The following DPYSL2 variants were observed in gnomAD, a reference collection of about 807,000 sequenced individuals.
DPYSL2 encodes dihydropyrimidinase like 2.
In DPYSL2, 13 loss-of-function variants were observed where a neutral mutation model predicts 69.9. The ratio of observed to expected loss-of-function variants is 0.19; its 90% CI spans 0.12 to 0.30. The LOEUF is 0.30. Among genes scored for constraint, DPYSL2 ranks in the 10% least tolerant of loss-of-function variants. The pLI, the probability that DPYSL2 is intolerant of heterozygous loss-of-function variation, is 1.00. For synonymous variants in DPYSL2, 326 were observed against 359.1 expected (o/e 0.91, Z 1.04); for missense variants, 587 against 918.9 (o/e 0.64, Z 4.67).
chr8:26,621,919 A>AG lies in DPYSL2; in HGVS notation c.629-2220dup, dbSNP rs1248040156. ...TAGACAGCTACTAAAGGATTTAATA[A>AG]GGGGAATGGCAGTGTTTGATGAAAG... is the stretch of plus-strand genomic sequence containing the variant. On this transcript the variant is annotated intron_variant, in intron 3 of 13. Transcript: ENST00000521913. This position sits in a 1 kb window ranked among gnomAD's most constrained non-coding sequence, Gnocchi z 4.9. Among the ~76,000 whole-genome samples the AG allele has an allele frequency of 6.6e-6, 1 of 152,194 alleles. No individual in the cohort carries two copies. Among genetic ancestry groups the AG allele is most frequent in the Non-Finnish European group, 1.5e-5 (1 of 68,032 alleles).
intron 1 of DPYSL2, among the ~76,000 whole-genome samples, chr8:26,536,249 G>A (rs1800591031): frequency 6.6e-6 from 1 of 151,250 alleles, no homozygotes; most frequent in Admixed American, 6.6e-5. Flanking sequence ...CTTAATTTTT[G>A]TATTTTTGGT....
At chr8:26,594,709 A>G (rs1190844486) in intron 3 of DPYSL2, among the ~76,000 whole-genome samples, 2 of 152,188 alleles carry the variant, frequency 1.3e-5, no homozygotes, top group Non-Finnish European at 2.9e-5. Context: ...TTGACCATTC[A>G]TCTGTTCATC....
intron 1 of DPYSL2, among the ~76,000 whole-genome samples, chr8:26,529,329 C>G (rs568009589): frequency 4.2e-4 from 63 of 151,706 alleles, no homozygotes; most frequent in Non-Finnish European, 8.2e-4. Context: ...TATCATCTAT[C>G]TATCTATATA....
At chr8:26,629,287 G>A (rs2584183) in intron 7 of DPYSL2, among the ~76,000 whole-genome samples, 146,463 of 152,104 alleles carry the variant, frequency 0.96, 70,630 homozygotes, top group Non-Finnish European at 0.99. Flanking sequence ...CACACAGACA[G>A]CTAGACACAG....
chr8:26,547,412 T>A (rs1369318519), intron 1 of DPYSL2, among the ~76,000 whole-genome samples: 1 of 151,162 alleles, frequency 6.6e-6, no homozygotes, highest in Non-Finnish European at 1.5e-5. Flanking sequence ...AGCAGCAAGA[T>A]GCAGATTCCT....
chr8:26,648,145 G>T lies in DPYSL2; in HGVS notation c.1596+345G>T, dbSNP rs1167739907. ...AGCACTTCTCATGGCAGTACTTGGTGCAAGGGACCTCAATGAAGCAGTGAG... is the reference window on the plus strand; with the variant it reads ...AGCACTTCTCATGGCAGTACTTGGTTCAAGGGACCTCAATGAAGCAGTGAG... On this transcript the variant is annotated intron_variant, in intron 11 of 13. Coordinates refer to ENST00000521913, the MANE Select transcript of DPYSL2 (RefSeq NM_001197293.3). The surrounding 1 kb of genome is among the most constrained non-coding windows in gnomAD (Gnocchi z 4.3). 1.3e-5 allele frequency among the ~76,000 whole-genome samples: 2 copies of T among 152,150 alleles called. No individual in the cohort carries two copies. Among genetic ancestry groups the T allele is most frequent in the Non-Finnish European group, 2.9e-5 (2 of 68,040 alleles).
At chr8:26,615,117 A>G (rs2129867250) in intron 3 of DPYSL2, among the ~76,000 whole-genome samples, 1 of 152,258 alleles carries the variant, frequency 6.6e-6, no homozygotes. Context: ...TCTGCCTGGC[A>G]CATTTTAAGT....
intron 1 of DPYSL2, among the ~76,000 whole-genome samples, chr8:26,579,316 C>G (rs1310402750): frequency 6.6e-6 from 1 of 152,240 alleles, no homozygotes; most frequent in Non-Finnish European, 1.5e-5. Flanking sequence ...CTCCCCTGCT[C>G]CCTCCCTCTC....
intron 1 of DPYSL2, chr8:26,548,164 C>G: frequency 4.3e-6 from 1 of 232,442 alleles, no homozygotes; most frequent in East Asian, 1.0e-4. Context: ...AAAGTGGTTC[C>G]AGACAACCAC....
rs1411400457 is a variant in DPYSL2, at chr8:26,569,384, AAAC to A, written c.355-12584_355-12582del. Among the ~76,000 whole-genome samples, 185 of 150,970 alleles carry A rather than the reference AAAC, an allele frequency of 1.2e-3. 1 individual carries two copies. Among genetic ancestry groups the A allele is most frequent in the African/African-American group, 4.1e-3 (169 of 41,008 alleles). On this transcript the variant is annotated intron_variant, in intron 1 of 13. Coordinates refer to ENST00000521913, the MANE Select transcript of DPYSL2 (RefSeq NM_001197293.3). ...AAAAAACAAAAACAAAAACAAAAAAAAACCAAAGAAAAACCCAAAGCCTGGGAT... is the reference window on the plus strand; with the variant it reads ...AAAAAACAAAAACAAAAACAAAAAAACAAAGAAAAACCCAAAGCCTGGGAT...
At chr8:26,602,770 T>C (rs1802020828) in intron 3 of DPYSL2, among the ~76,000 whole-genome samples, 1 of 152,236 alleles carries the variant, frequency 6.6e-6, no homozygotes, top group African/African-American at 2.4e-5. Flanking sequence ...GCAAAAAACT[T>C]CTTGTCTATT....
chr8:26,559,739 A>G (rs1801043647), intron 1 of DPYSL2, among the ~76,000 whole-genome samples: 1 of 152,196 alleles, frequency 6.6e-6, no homozygotes, highest in Admixed American at 6.5e-5. Flanking sequence ...TATGTATATT[A>G]AGACATTTAA....
intron 1 of DPYSL2, chr8:26,578,015 CTCT>C: frequency 1.0e-5 from 14 of 1,356,638 alleles, no homozygotes; most frequent in East Asian, 6.1e-5. Context: ...CTCTCTCTCT[CTCT>C]TTTTTTTCCG....
At chr8:26,608,281 C>G (rs1220032198) in intron 3 of DPYSL2, among the ~76,000 whole-genome samples, 7 of 152,248 alleles carry the variant, frequency 4.6e-5, no homozygotes, top group African/African-American at 1.7e-4. Context: ...AAAAGATTGT[C>G]TAGACATACA....
chr8:26,544,229 G>C (rs1453743754), intron 1 of DPYSL2, among the ~76,000 whole-genome samples: 1 of 152,134 alleles, frequency 6.6e-6, no homozygotes, highest in Non-Finnish European at 1.5e-5. Context: ...CCAAGTAAAA[G>C]ACAATGCATG....
Position 26,656,614 on chromosome 8 carries a change from C to T in DPYSL2, c.*908C>T, listed in dbSNP as rs1337877982. ...TTATCTTTTCACCTCCCAGGTCTAC[C>T]ATTTCATGGTGGTCGTTGGGTCCGC... is the stretch of plus-strand genomic sequence containing the variant. On this transcript the variant is annotated 3_prime_UTR_variant, in exon 14 of 14. Coordinates refer to ENST00000521913, the MANE Select transcript of DPYSL2 (RefSeq NM_001197293.3). The T allele has an allele frequency of 6.6e-6, 1 of 152,620 alleles. No individual in the cohort carries two copies. The highest frequency in any genetic ancestry group is 6.5e-5 in the Admixed American group (1 of 15,272). The allele number at this position is 152,620 out of a possible 1,614,324, so 9.5% of individuals were successfully genotyped here. A position where few individuals can be genotyped will look rare whatever the true frequency, so the allele number is the denominator to read the frequency against.
chr8:26,618,675 CA>C (rs1311905618), intron 3 of DPYSL2, among the ~76,000 whole-genome samples: 2 of 147,492 alleles, frequency 1.4e-5, no homozygotes, highest in Non-Finnish European at 1.5e-5. Context: ...TGCGGTGGCT[CA>C]TGCCTGTAAT....
At chr8:26,556,317 C>CTA (rs1180132565) in intron 1 of DPYSL2, among the ~76,000 whole-genome samples, 7 of 3,902 alleles carry the variant, frequency 1.8e-3, no homozygotes, top group Non-Finnish European at 3.3e-3. Flanking sequence ...TATATATATA[C>CTA]TATATATATA....
chr8:26,600,826 G>A (rs879945182), intron 3 of DPYSL2, among the ~76,000 whole-genome samples: 1 of 152,162 alleles, frequency 6.6e-6, no homozygotes, highest in Non-Finnish European at 1.5e-5. Context: ...ACCGCTCCTC[G>A]AGATTTGCTC....
Sources: allele counts gnomAD v4.1 joint callset (sites outside exome capture counted in the v4.1 genomes callset), GRCh38; gene constraint gnomAD v4.1.1; non-coding constraint Gnocchi (gnomAD v3.1); transcripts MANE v1.5; gene names NCBI Gene and HGNC (gene_info 2026-07-23, HGNC 2026-07-21).